Variants in DPP10 observed in about 807,000 individuals in gnomAD.
DPP10 encodes dipeptidyl peptidase like 10, also known as inactive dipeptidyl peptidase 10.
In DPP10, 33 loss-of-function variants were observed where a neutral mutation model predicts 120.9. The observed-to-expected ratio is 0.27, with a 90% CI of 0.21 to 0.37. The LOEUF (loss-of-function observed/expected upper bound fraction) is 0.37, where lower values mean the gene tolerates loss of function less well. DPP10 is among the 10% of genes least tolerant of loss of function. DPP10 has a pLI of 1.00. For synonymous variants in DPP10, 337 were observed against 326.1 expected (o/e 1.03, Z -0.36); for missense variants, 816 against 942.8 (o/e 0.87, Z 1.76).
chr2:115,574,523 C>T (rs1407313548), intron 5 of DPP10, among the ~76,000 whole-genome samples: 1 of 152,164 alleles, frequency 6.6e-6, no homozygotes, highest in East Asian at 1.9e-4. Context: ...CAACACTTAA[C>T]TAAATGGTCA....
At chr2:114,620,573 C>A (rs75757489) in intron 1 of DPP10, among the ~76,000 whole-genome samples, 7,767 of 152,086 alleles carry the variant, frequency 0.051, 257 homozygotes, top group Non-Finnish European at 0.082. Context: ...CCAATTTTTA[C>A]CCCAAGAATT....
chr2:115,358,416 A>AT (rs1287322695), intron 3 of DPP10, among the ~76,000 whole-genome samples: 2 of 152,094 alleles, frequency 1.3e-5, no homozygotes, highest in Non-Finnish European at 2.9e-5. Flanking sequence ...CCTGGACTTC[A>AT]TTTTTTACAT....
intron 1 of DPP10, among the ~76,000 whole-genome samples, chr2:115,003,901 T>C (rs1378146716): frequency 1.3e-5 from 2 of 152,184 alleles, no homozygotes; most frequent in Non-Finnish European, 2.9e-5. Context: ...ATTACATACA[T>C]AGTATTAGTT....
At chr2:115,005,326 G>A (rs1200785476) in intron 1 of DPP10, among the ~76,000 whole-genome samples, 2 of 152,152 alleles carry the variant, frequency 1.3e-5, no homozygotes, top group African/African-American at 2.4e-5. Flanking sequence ...TCCTCCAAAG[G>A]AACGCAGCTC....
chr2:114,975,877 C>T (rs1451434414), intron 1 of DPP10, among the ~76,000 whole-genome samples: 1 of 152,044 alleles, frequency 6.6e-6, no homozygotes, highest in Non-Finnish European at 1.5e-5. Flanking sequence ...TCTCAAACTC[C>T]TGACCTCAAG....
chr2:114,832,328 T>C (rs1687210846), intron 1 of DPP10, among the ~76,000 whole-genome samples: 1 of 152,244 alleles, frequency 6.6e-6, no homozygotes, highest in East Asian at 1.9e-4. Context: ...GGTCAGGAGA[T>C]CGAGACCATC....
At chr2:115,422,245 C>A (rs747711289) in intron 3 of DPP10, among the ~76,000 whole-genome samples, 2 of 152,224 alleles carry the variant, frequency 1.3e-5, no homozygotes, top group South Asian at 4.1e-4. Flanking sequence ...ATTGTTATAC[C>A]GATATTTATA....
At chr2:114,699,434 A>G (rs765114010) in intron 1 of DPP10, among the ~76,000 whole-genome samples, 1 of 152,078 alleles carries the variant, frequency 6.6e-6, no homozygotes, top group Non-Finnish European at 1.5e-5. Flanking sequence ...CTCCACAGTG[A>G]GGCCTTTGGG....
intron 1 of DPP10, among the ~76,000 whole-genome samples, chr2:115,089,445 C>T (rs765817346): frequency 1.3e-5 from 2 of 152,184 alleles, no homozygotes; most frequent in Non-Finnish European, 2.9e-5. Flanking sequence ...AGCACTCTGC[C>T]GTTTTCCACA....
intron 8 of DPP10, among the ~76,000 whole-genome samples, chr2:115,737,965 C>G (rs767495745): frequency 1.3e-5 from 2 of 152,068 alleles, no homozygotes; most frequent in Non-Finnish European, 2.9e-5. Flanking sequence ...CCTCTGTCAG[C>G]AAGAAGATTT....
chr2:115,826,507 G>A (rs1018819389), intron 21 of DPP10, among the ~76,000 whole-genome samples: 1 of 151,940 alleles, frequency 6.6e-6, no homozygotes, highest in African/African-American at 2.4e-5. Flanking sequence ...GATCACCTGA[G>A]GTCAGGAGTT....
intron 1 of DPP10, among the ~76,000 whole-genome samples, chr2:114,664,604 G>T (rs1238537162): frequency 6.8e-6 from 1 of 147,746 alleles, no homozygotes; most frequent in African/African-American, 2.5e-5. Flanking sequence ...ACTCCAACCT[G>T]GGTGACAGCG....
At chr2:115,399,139 CCAT>C (rs1456448106) in intron 3 of DPP10, among the ~76,000 whole-genome samples, 26 of 152,226 alleles carry the variant, frequency 1.7e-4, no homozygotes, top group African/African-American at 6.0e-4. Flanking sequence ...ACTATTAGTA[CCAT>C]CATCTTTGAT....
At chr2:115,252,957 T>G (rs2058817709) in intron 1 of DPP10, among the ~76,000 whole-genome samples, 1 of 152,234 alleles carries the variant, frequency 6.6e-6, no homozygotes, top group Non-Finnish European at 1.5e-5. Context: ...ATACAGAATC[T>G]CAGTGTATTA....
chr2:115,806,774 G>T (rs559760015), intron 19 of DPP10, among the ~76,000 whole-genome samples: 29 of 152,052 alleles, frequency 1.9e-4, no homozygotes, highest in Non-Finnish European at 3.8e-4. Flanking sequence ...TAAGTTTGTT[G>T]TGGAGATTGT....
chr2:114,760,290 G>A (rs1680165849), intron 1 of DPP10, among the ~76,000 whole-genome samples: 1 of 152,120 alleles, frequency 6.6e-6, no homozygotes, highest in Non-Finnish European at 1.5e-5. Context: ...GAAAATACCT[G>A]GGAGAGTAGC....
At chr2:115,416,332 A>T (rs2069428615) in intron 3 of DPP10, among the ~76,000 whole-genome samples, 1 of 152,168 alleles carries the variant, frequency 6.6e-6, no homozygotes, top group Admixed American at 6.6e-5. Context: ...GGTTAGTCAG[A>T]GTATTCCTTC....
At chr2:115,584,653 G>A (rs182319322) in intron 5 of DPP10, among the ~76,000 whole-genome samples, 157 of 152,296 alleles carry the variant, frequency 1.0e-3, no homozygotes, top group African/African-American at 3.7e-3. Flanking sequence ...TTAGAAAGCT[G>A]CATTTGATGC....
At chr2:115,355,083 G>A (rs935649301) in intron 3 of DPP10, among the ~76,000 whole-genome samples, 2 of 152,126 alleles carry the variant, frequency 1.3e-5, no homozygotes, top group Non-Finnish European at 2.9e-5. Flanking sequence ...GGATTGCTGG[G>A]TCAAAGGTTA....
Sources: gnomAD v4.1 joint callset for allele counts (sites outside exome capture counted in the v4.1 genomes callset) on GRCh38, gnomAD v4.1.1 for gene constraint, MANE v1.5 for transcripts, NCBI Gene and HGNC (gene_info 2026-07-23, HGNC 2026-07-21) for gene names.